Variants in FIBCD1 observed in about 807,000 individuals in gnomAD.
FIBCD1 encodes fibrinogen C domain-containing protein 1.
Under a neutral mutation model 45.1 loss-of-function variants are expected in FIBCD1, and 47 were observed. The observed-to-expected ratio is 1.04, with a 90% CI of 0.82 to 1.33. FIBCD1 has a LOEUF of 1.33. Among genes scored for constraint, FIBCD1 ranks in the 40% most tolerant of loss-of-function variants. The probability of loss-of-function intolerance (pLI) is 0.00; values close to 1 mark genes in which losing one functional copy is unlikely to be tolerated. For synonymous variants in FIBCD1, 313 were observed against 308.1 expected, an observed-to-expected ratio of 1.02 and a Z score of -0.17; for missense variants, 653 against 682.2, an observed-to-expected ratio of 0.96 and a Z score of 0.48.
intron 5 of FIBCD1, among the ~76,000 whole-genome samples, 197 bp downstream of exon 5, chr9:130,911,595 A>G (rs753075277): frequency 6.6e-6 from 1 of 152,194 alleles, no homozygotes; most frequent in Non-Finnish European, 1.5e-5. Context: ...CCACGCTGAC[A>G]CTTCCGTTGG....
chr9:130,907,954 TAAAAAA>T lies in FIBCD1; in HGVS notation c.947-2547_947-2542del, dbSNP rs1161462414. ...AACAGAAGAAAAAATAGAGGAGACT[TAAAAAA>T]AAAATAAAACTAGGAAGGGAAGGAA... On this transcript the variant is annotated intron_variant, in intron 5 of 6. Coordinates refer to ENST00000372338, the MANE Select transcript of FIBCD1 (RefSeq NM_032843.5). Among the ~76,000 whole-genome samples, 3 of 131,444 alleles carry T rather than the reference TAAAAAA, an allele frequency of 2.3e-5. No homozygotes were observed. In the East Asian group the frequency reaches 6.6e-4, roughly 29 times the overall value. 86.2% of individuals were successfully genotyped at this position (131,444 alleles called of 152,430 possible). A position where few individuals can be genotyped will look rare whatever the true frequency, so the allele number is the denominator to read the frequency against.
At chr9:130,913,440 G>A (rs916987886) in intron 4 of FIBCD1, among the ~76,000 whole-genome samples, 2 of 152,222 alleles carry the variant, frequency 1.3e-5, no homozygotes, top group Non-Finnish European at 2.9e-5. Flanking sequence ...GACCCGAGGC[G>A]TCTGCCGCGT....
intron 5 of FIBCD1, among the ~76,000 whole-genome samples, chr9:130,908,025 AAG>A (rs1157401721): frequency 6.7e-6 from 1 of 149,694 alleles, no homozygotes; most frequent in African/African-American, 2.5e-5. Flanking sequence ...ATACAAAGAA[AAG>A]GGTGGCAGAA....
In FIBCD1 at chr9:130,938,575, G is replaced by A. The variant is rs1296666728; in HGVS notation, c.33C>T (p.Gly11=). ...GCGGCCGGTCCTCAAGTTGGGCAGCGCCGCCCATGGTCTTCCACCGGTCGT... is the reference window on the plus strand; with the variant it reads ...GCGGCCGGTCCTCAAGTTGGGCAGCACCGCCCATGGTCTTCCACCGGTCGT... The part of the protein sequence containing the change: MVNDRWKTMG[G]AAQLEDRPRD... The change falls in exon 1 of 7, where the codon GGC becomes GGT. Residue 11 remains glycine, a synonymous_variant. Transcript: ENST00000372338. The A allele has an allele frequency of 4.7e-6, 7 of 1,488,844 alleles. No homozygotes were observed. Among genetic ancestry groups the A allele is most frequent in the Non-Finnish European group, 6.2e-6 (7 of 1,124,484 alleles). 92.2% of individuals were successfully genotyped at this position (1,488,844 alleles called of 1,614,324 possible). A position where few individuals can be genotyped will look rare whatever the true frequency, so the allele number is the denominator to read the frequency against.
At chr9:130,914,215 A>T (rs1198527880) in intron 4 of FIBCD1, among the ~76,000 whole-genome samples, 2 of 151,414 alleles carry the variant, frequency 1.3e-5, no homozygotes, top group African/African-American at 4.9e-5. Context: ...TCTGGCCTCC[A>T]CCCTCCCCCA....
At chr9:130,930,765 G>C in intron 1 of FIBCD1, 1 of 455,952 alleles carries the variant, frequency 2.2e-6, no homozygotes, top group Non-Finnish European at 4.4e-6. Flanking sequence ...TTGGGCCAGG[G>C]GCCTCACCTC....
intron 2 of FIBCD1, among the ~76,000 whole-genome samples, chr9:130,925,265 G>A (rs376435727): frequency 1.1e-4 from 16 of 152,298 alleles, no homozygotes; most frequent in East Asian, 1.9e-4. Context: ...CTGAGGCCCC[G>A]AAAGAGCAAT....
intron 1 of FIBCD1, among the ~76,000 whole-genome samples, chr9:130,935,770 C>T (rs1385607956): frequency 2.6e-5 from 4 of 152,196 alleles, no homozygotes; most frequent in Non-Finnish European, 5.9e-5. Flanking sequence ...GTCCCAGCTC[C>T]AGCTCTTAGT....
chr9:130,903,844 A>G lies in FIBCD1; in HGVS notation c.*220T>C, dbSNP rs1831876179. 1.5e-6 allele frequency: 1 copy of G among 647,160 alleles called. No homozygotes were observed. The highest frequency in any genetic ancestry group is 1.8e-5 in the African/African-American group (1 of 55,400). The allele number at this position is 647,160 out of a possible 1,614,324, so 40.1% of individuals were successfully genotyped here. A position where few individuals can be genotyped will look rare whatever the true frequency, so the allele number is the denominator to read the frequency against. ...TTGCCAGCCCCCATCAGCAGAGGCA[A>G]GAGATCAGTGAGCTGCCAAATGGAG... is the stretch of plus-strand genomic sequence containing the variant. On this transcript the variant is annotated 3_prime_UTR_variant, in exon 7 of 7. Coordinates refer to ENST00000372338, the MANE Select transcript of FIBCD1 (RefSeq NM_032843.5).
rs9695383 is a variant in FIBCD1 at position 130,922,885 on chromosome 9, C to T, written c.849+859G>A. On this transcript the variant is annotated intron_variant, in intron 4 of 6. Transcript: ENST00000372338. The surrounding 1 kb of genome is among the most constrained non-coding windows in gnomAD (Gnocchi z 4.5). The stretch of plus-strand genomic sequence containing the variant: ...TGGAATACCTTCTCCTTCCTGCCCG[C>T]ACTCAGAAATCCTCCCTGCTTTAAT... Among the ~76,000 whole-genome samples the T allele has an allele frequency of 3.1e-3, 468 of 152,266 alleles. 3 individuals carry two copies. Among genetic ancestry groups the T allele is most frequent in the Admixed American group, 8.6e-3 (132 of 15,300 alleles).
At chr9:130,936,755 G>C (rs1028219048) in intron 1 of FIBCD1, among the ~76,000 whole-genome samples, 8 of 152,240 alleles carry the variant, frequency 5.3e-5, no homozygotes, top group Non-Finnish European at 8.8e-5. Context: ...AATGGAGCTT[G>C]GGCCCAGGGA....
In FIBCD1 at chr9:130,903,636, C is replaced by T. The variant is rs957840637; in HGVS notation, c.*428G>A. 6.9e-6 allele frequency: 2 copies of T among 290,004 alleles called. No individual in the cohort carries two copies. Among genetic ancestry groups the T allele is most frequent in the Admixed American group, 4.5e-5 (1 of 22,296 alleles). The allele number at this position is 290,004 out of a possible 1,614,324, so 18.0% of individuals were successfully genotyped here. A position where few individuals can be genotyped will look rare whatever the true frequency, so the allele number is the denominator to read the frequency against. On this transcript the variant is annotated 3_prime_UTR_variant, in exon 7 of 7. Coordinates refer to ENST00000372338, the MANE Select transcript of FIBCD1 (RefSeq NM_032843.5). The stretch of plus-strand genomic sequence containing the variant: ...CCTGACCTCAGAGAGACCTGACGTT[C>T]CCCACGATCTGCTAGGAGGACTCCA...
intron 5 of FIBCD1, among the ~76,000 whole-genome samples, chr9:130,906,071 A>AC (rs1831923290): frequency 6.6e-6 from 1 of 151,996 alleles, no homozygotes; most frequent in African/African-American, 2.4e-5. Context: ...AATGGTGCTT[A>AC]CCCAGCGCTG....
In FIBCD1 at chr9:130,929,650, C is replaced by A. The variant is rs1422512472; in HGVS notation, c.469G>T (p.Glu157Ter). The A allele has an allele frequency of 6.3e-7, 1 of 1,594,650 alleles. No homozygotes were observed. The highest frequency in any genetic ancestry group is 8.5e-7 in the Non-Finnish European group (1 of 1,171,710). The stretch of plus-strand genomic sequence containing the variant: ...TGCCCCTTCCGCAGCCCCATGCACT[C>A]CGTCTGCAGCTCTGAGGCTCGGGCC... ...LLARASELQT[E>*]CMGLRKGHGT... Residue 157 changes from glutamate (E) to a stop codon, truncating the protein, a stop_gained, in exon 2 of 7, where the codon GAG becomes TAG. Transcript: ENST00000372338. LOFTEE classifies it high-confidence loss of function.
rs1233712055 is a variant in FIBCD1, at chr9:130,922,663, G to A, written c.849+1081C>T. On this transcript the variant is annotated intron_variant, in intron 4 of 6. Transcript: ENST00000372338. This position sits in a 1 kb window ranked among gnomAD's most constrained non-coding sequence, Gnocchi z 4.5. ...TCCCCACTGCCCAAGGATGCACACCGCCAAGTCACCTCTCCTGAAGCACAG... is the reference window on the plus strand; with the variant it reads ...TCCCCACTGCCCAAGGATGCACACCACCAAGTCACCTCTCCTGAAGCACAG... 6.6e-6 allele frequency among the ~76,000 whole-genome samples: 1 copy of A among 151,954 alleles called. No homozygotes were observed. Among genetic ancestry groups the A allele is most frequent in the African/African-American group, 2.4e-5 (1 of 41,346 alleles).
At chr9:130,932,947 G>T (rs1200620499) in intron 1 of FIBCD1, among the ~76,000 whole-genome samples, 1 of 152,188 alleles carries the variant, frequency 6.6e-6, no homozygotes, top group Non-Finnish European at 1.5e-5. Flanking sequence ...TAGCATTAAG[G>T]TCCCCTGGCG....
chr9:130,909,760 TA>T (rs34679672), intron 5 of FIBCD1, among the ~76,000 whole-genome samples: 9,019 of 146,966 alleles, frequency 0.061, 302 homozygotes, highest in Middle Eastern at 0.16. Flanking sequence ...AGTGAAATGT[TA>T]AAAAAAAAAA....
At position 130,938,561 on chromosome 9, in the gene FIBCD1, T is replaced by C. The variant is rs199804534; in HGVS notation, c.47A>G (p.Glu16Gly). ...CTGCGGCTTGTCGCGCGGCCGGTCC[T>C]CAAGTTGGGCAGCGCCGCCCATGGT... ...WKTMGGAAQL[E>G]DRPRDKPQRP... Residue 16 changes from glutamate to glycine, a missense_variant, in exon 1 of 7, where the codon GAG becomes GGG. Coordinates refer to ENST00000372338, the MANE Select transcript of FIBCD1 (RefSeq NM_032843.5). 4,300 of 1,490,558 alleles carry C rather than the reference T, an allele frequency of 2.9e-3. 10 individuals carry two copies. The highest frequency in any genetic ancestry group is 3.6e-3 in the Non-Finnish European group (4,087 of 1,125,650). 92.3% of individuals were successfully genotyped at this position (1,490,558 alleles called of 1,614,324 possible).
chr9:130,910,719 G>C (rs1394347336), intron 5 of FIBCD1, among the ~76,000 whole-genome samples: 1 of 152,104 alleles, frequency 6.6e-6, no homozygotes, highest in Non-Finnish European at 1.5e-5. Flanking sequence ...GGGTTTGTGA[G>C]TGCACCAATC....
Sources: allele counts gnomAD v4.1 joint callset (sites outside exome capture counted in the v4.1 genomes callset), GRCh38; gene constraint gnomAD v4.1.1; non-coding constraint Gnocchi (gnomAD v3.1); transcripts MANE v1.5; gene names NCBI Gene and HGNC (gene_info 2026-07-23, HGNC 2026-07-21).